Variants in USP53 observed in about 807,000 individuals in gnomAD.
USP53 encodes the protein ubiquitin specific peptidase 53.
Under a neutral mutation model 94.9 loss-of-function variants are expected in USP53, and 71 were observed. The observed-to-expected ratio is 0.75, with a 90% CI of 0.62 to 0.91. USP53 has a LOEUF of 0.91. Ranked by LOEUF, USP53 falls within the 40% of genes least tolerant of loss-of-function variation. The pLI is 0.00. For synonymous variants in USP53, 375 were observed against 422.7 expected, an observed-to-expected ratio of 0.89 and a Z score of 1.39; for missense variants, 1,173 against 1,281.0, an observed-to-expected ratio of 0.92 and a Z score of 1.29.
chr4:119,278,210 T>A (rs1752920002), intron 17 of USP53, among the ~76,000 whole-genome samples: 1 of 148,404 alleles, frequency 6.7e-6, no homozygotes, highest in East Asian at 2.0e-4. Context: ...GGTCTTTACA[T>A]TTTGGCATGA....
intron 7 of USP53, among the ~76,000 whole-genome samples, chr4:119,254,428 C>CT (rs1749479117): frequency 1.3e-5 from 2 of 152,250 alleles, no homozygotes; most frequent in South Asian, 4.1e-4. Flanking sequence ...TCTTTTCAGT[C>CT]TTTTTTGTCT....
Position 119,239,852 on chromosome 4 carries a change from C to A in USP53, c.93C>A (p.Gly31=). Residue 31 remains glycine, a synonymous_variant, in exon 5 of 19, where the codon GGC becomes GGA. Transcript: ENST00000692078. ...GSMLSLAPTK[G]LLNEPGQNSC... ...TGCTATCACTAGCCCCTACCAAAGG[C>A]TTGTTAAATGAACCAGGACAAAACA... The A allele has an allele frequency of 6.2e-7, 1 of 1,612,190 alleles. No homozygotes were observed. The highest frequency in any genetic ancestry group is 8.5e-7 in the Non-Finnish European group (1 of 1,179,092).
chr4:119,276,271 C>T (rs1417489004), intron 17 of USP53, among the ~76,000 whole-genome samples: 1 of 148,176 alleles, frequency 6.7e-6, no homozygotes, highest in East Asian at 2.0e-4. Context: ...GAAATACGTC[C>T]CATCAATACC....
rs1212887631 is a variant in USP53, at chr4:119,292,731, AC to A, written c.2743del (p.Leu915PhefsTer17). 1.2e-6 allele frequency: 2 copies of A among 1,613,980 alleles called. No homozygotes were observed. The highest frequency in any genetic ancestry group is 2.2e-5 in the East Asian group (1 of 44,872). On this transcript the variant is annotated frameshift_variant, in exon 19 of 19. Coordinates refer to ENST00000692078, the MANE Select transcript of USP53 (RefSeq NM_001371395.1). LOFTEE classifies it low-confidence loss of function (END_TRUNC). ...GATCTGATGGGTGTCAGATGCCAAA[AC>A]TTTTTTGCCAGAATCTACCACCCCC... is the stretch of plus-strand genomic sequence containing the variant. ...SRSDGCQMPK[L>X]FCQNLPPPLP...
chr4:119,286,593 G>T (rs1754142730), intron 17 of USP53, among the ~76,000 whole-genome samples: 1 of 151,958 alleles, frequency 6.6e-6, no homozygotes, highest in African/African-American at 2.4e-5. Context: ...GCCTCCTGCT[G>T]CCCATTGTGT....
intron 3 of USP53, among the ~76,000 whole-genome samples, chr4:119,233,507 A>G (rs1314211607): frequency 6.6e-6 from 1 of 152,096 alleles, no homozygotes; most frequent in East Asian, 1.9e-4. Context: ...CATGTCTCAT[A>G]GCTTTTGAGA....
At chr4:119,213,804 A>C (rs780010494) in intron 1 of USP53, among the ~76,000 whole-genome samples, 6 of 151,502 alleles carry the variant, frequency 4.0e-5, no homozygotes, top group Non-Finnish European at 8.8e-5. Context: ...CTTGAACCGG[A>C]GGTTGCAGTG....
rs371303350 is a variant in USP53, at chr4:119,273,611, A to C, written c.2175-21A>C. On this transcript the variant is annotated intron_variant, in intron 16 of 18. Coordinates refer to ENST00000692078, the MANE Select transcript of USP53 (RefSeq NM_001371395.1). ...GCAGTCCATAATACCTGATGTGTTT[A>C]GTGTGTATTTTATTTTCTAGTGACC... 22 of 1,594,494 alleles carry C rather than the reference A, an allele frequency of 1.4e-5. No individual in the cohort carries two copies. In the African/African-American group the frequency reaches 2.7e-4, roughly 19 times the overall value.
At chr4:119,260,409 C>T (rs1750350440) in intron 10 of USP53, 98 bp from the exon 11 acceptor site, 1 of 987,894 alleles carries the variant, frequency 1.0e-6, no homozygotes. Flanking sequence ...GAATAAATTG[C>T]AGATATGTGT....
chr4:119,240,697 T>C (rs1489542464), intron 5 of USP53, among the ~76,000 whole-genome samples: 1 of 152,158 alleles, frequency 6.6e-6, no homozygotes, highest in Non-Finnish European at 1.5e-5. Context: ...GTTGATTAGC[T>C]CATCTGACAA....
In USP53 at chr4:119,294,463, T is replaced by C. The variant is rs1328949164; in HGVS notation, c.*1252T>C. 6.6e-6 allele frequency: 1 copy of C among 151,994 alleles called. No homozygotes were observed. The highest frequency in any genetic ancestry group is 1.5e-5 in the Non-Finnish European group (1 of 67,924). 9.4% of individuals were successfully genotyped at this position (151,994 alleles called of 1,614,324 possible). Reference sequence around the variant, plus strand: ...ACCTTATGAGTAAAAATAAGTTACTTTAATTGCTTTATTTCGTTAGTTGTC... The same window carrying C: ...ACCTTATGAGTAAAAATAAGTTACTCTAATTGCTTTATTTCGTTAGTTGTC... On this transcript the variant is annotated 3_prime_UTR_variant, in exon 19 of 19. Coordinates refer to ENST00000692078, the MANE Select transcript of USP53 (RefSeq NM_001371395.1).
At chr4:119,277,819 T>A (rs1752857876) in intron 17 of USP53, among the ~76,000 whole-genome samples, 1 of 110,734 alleles carries the variant, frequency 9.0e-6, no homozygotes, top group Non-Finnish European at 2.0e-5. Context: ...GATAGTTAGC[T>A]CTTCTTGTTG....
Position 119,246,292 on chromosome 4 carries a change from G to A in USP53, c.237+863G>A, listed in dbSNP as rs374973570. 2.6e-5 allele frequency among the ~76,000 whole-genome samples: 4 copies of A among 152,300 alleles called. No individual in the cohort carries two copies. The East Asian group carries it at 7.7e-4, about 29-fold the overall frequency. On this transcript the variant is annotated intron_variant, in intron 6 of 18. Coordinates refer to ENST00000692078, the MANE Select transcript of USP53 (RefSeq NM_001371395.1). ...CTGAGGTTAGGTTAGTTTAGAAAAGGTGATATAACTCTCACCCACCTCTGT... is the reference window on the plus strand; with the variant it reads ...CTGAGGTTAGGTTAGTTTAGAAAAGATGATATAACTCTCACCCACCTCTGT...
chr4:119,251,620 T>C (rs922589760), intron 7 of USP53, among the ~76,000 whole-genome samples: 3 of 137,690 alleles, frequency 2.2e-5, no homozygotes, highest in Non-Finnish European at 3.3e-5. Flanking sequence ...TCATGTCATC[T>C]GCAAACAGAG....
chr4:119,226,441 A>C (rs4833612), intron 3 of USP53, among the ~76,000 whole-genome samples: 104,581 of 151,978 alleles, frequency 0.69, 36,384 homozygotes, highest in African/African-American at 0.78. Context: ...TGTCAGTACA[A>C]AAAATCAATT....
At chr4:119,217,899 G>A (rs1338343899) in intron 3 of USP53, 1 of 152,360 alleles carries the variant, frequency 6.6e-6, no homozygotes, top group Non-Finnish European at 1.5e-5. Context: ...GGAGGCTGAT[G>A]TGGCTGGAAT....
intron 13 of USP53, 95 bp downstream of exon 13, chr4:119,267,577 A>G (rs1481628090): frequency 5.2e-5 from 68 of 1,319,746 alleles, no homozygotes; most frequent in Non-Finnish European, 6.9e-5. Flanking sequence ...ATAGAGGATA[A>G]TTTCAAATTT....
chr4:119,281,038 A>G (rs1247932281), intron 17 of USP53, among the ~76,000 whole-genome samples: 1 of 152,222 alleles, frequency 6.6e-6, no homozygotes, highest in Non-Finnish European at 1.5e-5. Flanking sequence ...ATAGTAGTTA[A>G]GAACACATAG....
chr4:119,293,476 ATATCT>A lies in USP53; in HGVS notation c.*268_*272del, dbSNP rs1302814596. 5 of 280,008 alleles carry A rather than the reference ATATCT, an allele frequency of 1.8e-5. No homozygotes were observed. The highest frequency in any genetic ancestry group is 2.6e-5 in the Non-Finnish European group (4 of 152,092). The allele number at this position is 280,008 out of a possible 1,614,324, so 17.3% of individuals were successfully genotyped here. The stretch of plus-strand genomic sequence containing the variant: ...ATACACATATATAATTTTATGATCA[ATATCT>A]TAGATATTTTAGAAATTCCCTTTGA... On this transcript the variant is annotated 3_prime_UTR_variant, in exon 19 of 19. Transcript: ENST00000692078.
Sources: allele counts gnomAD v4.1 joint callset (sites outside exome capture counted in the v4.1 genomes callset), GRCh38; gene constraint gnomAD v4.1.1; transcripts MANE v1.5; gene names NCBI Gene and HGNC (gene_info 2026-07-23, HGNC 2026-07-21).